Variants in SLC14A2 observed in about 807,000 individuals in gnomAD.
SLC14A2 encodes the protein urea transporter 2.
Under a neutral mutation model 104.6 loss-of-function variants are expected in SLC14A2, and 91 were observed. The ratio of observed to expected loss-of-function variants is 0.87; its 90% CI spans 0.73 to 1.04. SLC14A2 has a LOEUF of 1.04. Ranked by LOEUF, SLC14A2 falls within the 50% of genes least tolerant of loss-of-function variation. The pLI, the probability that SLC14A2 is intolerant of heterozygous loss-of-function variation, is 0.00. For synonymous variants in SLC14A2, 476 were observed against 466.4 expected (o/e 1.02, Z -0.27); for missense variants, 1,189 against 1,156.0 (o/e 1.03, Z -0.41).
intron 1 of SLC14A2, among the ~76,000 whole-genome samples, chr18:45,380,914 T>C (rs2085827930): frequency 6.6e-6 from 1 of 152,234 alleles, no homozygotes; most frequent in Non-Finnish European, 1.5e-5. Flanking sequence ...TTATCGGGGA[T>C]CAAAGTGGCA....
At chr18:45,469,029 G>A (rs2087195909) in intron 1 of SLC14A2, among the ~76,000 whole-genome samples, 1 of 152,178 alleles carries the variant, frequency 6.6e-6, no homozygotes, top group South Asian at 2.1e-4. Flanking sequence ...GAGATTTGTG[G>A]CCTGATGGGC....
In SLC14A2 at chr18:45,669,402, A is replaced by G. The variant is rs1001427241; in HGVS notation, c.2133A>G (p.Ala711=). The G allele has an allele frequency of 6.2e-7, 1 of 1,613,820 alleles. No homozygotes were observed. The highest frequency in any genetic ancestry group is 1.7e-5 in the Admixed American group (1 of 60,024). Residue 711 remains alanine (A), a synonymous_variant, in exon 16 of 20, where the codon GCA becomes GCG. Transcript: ENST00000255226. Reference sequence around the variant, plus strand: ...ATATCACTGTGACTTTGTACCTGGCAGCCACGGGCCACTACAACCTTTTCT... The same window carrying G: ...ATATCACTGTGACTTTGTACCTGGCGGCCACGGGCCACTACAACCTTTTCT... ...PFNITVTLYL[A]ATGHYNLFFP...
chr18:45,648,366 C>T (rs946767288), intron 10 of SLC14A2, among the ~76,000 whole-genome samples: 1 of 151,986 alleles, frequency 6.6e-6, no homozygotes, highest in Admixed American at 6.6e-5. Context: ...CCACCACGAC[C>T]AGCTAATTTT....
intron 2 of SLC14A2, among the ~76,000 whole-genome samples, chr18:45,606,872 G>T (rs8097358): frequency 0.019 from 2,898 of 151,978 alleles, 99 homozygotes; most frequent in African/African-American, 0.067. Flanking sequence ...CCAGGCTCAG[G>T]TTCCGCCACA....
the SLC14A2 span, among the ~76,000 whole-genome samples, chr18:45,181,810 T>A: frequency 1.3e-5 from 2 of 151,476 alleles, no homozygotes. Context: ...TTTACTTTAA[T>A]ATATCTGTGC....
intron 3 of SLC14A2, among the ~76,000 whole-genome samples, chr18:45,626,323 G>T (rs1023523623): frequency 6.6e-6 from 1 of 151,812 alleles, no homozygotes; most frequent in South Asian, 2.1e-4. Context: ...TTAACTTCTC[G>T]AACTAAACAC....
intron 1 of SLC14A2, among the ~76,000 whole-genome samples, chr18:45,398,455 A>G (rs992342319): frequency 1.3e-5 from 2 of 152,196 alleles, no homozygotes; most frequent in African/African-American, 4.8e-5. Context: ...AGTAAAATCA[A>G]AAGAATTAAA....
chr18:45,554,124 A>G (rs1311630239), intron 2 of SLC14A2, among the ~76,000 whole-genome samples: 1 of 152,262 alleles, frequency 6.6e-6, no homozygotes, highest in African/African-American at 2.4e-5. Flanking sequence ...AGCTTGCGGT[A>G]TGGTAGAAGA....
At position 45,668,301 on chromosome 18, in the gene SLC14A2, G is replaced by C. The variant is rs961679072; in HGVS notation, c.1908-48G>C. The stretch of plus-strand genomic sequence containing the variant: ...ATCTGACTCAATAGGAAAATGTAAA[G>C]GGCCCTGGGGAAGCCCCTGCTCCAC... On this transcript the variant is annotated intron_variant, in intron 14 of 19. Transcript: ENST00000255226. 3.7e-6 allele frequency: 6 copies of C among 1,603,550 alleles called. No homozygotes were observed. The Admixed American group carries it at 5.1e-5, about 14-fold the overall frequency.
At chr18:45,574,469 C>T (rs1387034148) in intron 2 of SLC14A2, among the ~76,000 whole-genome samples, 1 of 152,076 alleles carries the variant, frequency 6.6e-6, no homozygotes, top group Admixed American at 6.5e-5. Flanking sequence ...AAAGCAGTAC[C>T]ACCCTACAAA....
the SLC14A2 span, among the ~76,000 whole-genome samples, chr18:45,199,457 T>C: frequency 1.3e-5 from 2 of 152,202 alleles, no homozygotes; most frequent in African/African-American, 4.8e-5. Context: ...GAAAATTTGT[T>C]CAGTTCTTTT....
chr18:45,263,769 G>A (rs1048284313), intron 1 of SLC14A2, among the ~76,000 whole-genome samples: 2 of 152,128 alleles, frequency 1.3e-5, no homozygotes, highest in African/African-American at 2.4e-5. Context: ...CTGCCCTTTT[G>A]ATCTGCCCAC....
the SLC14A2 span, among the ~76,000 whole-genome samples, chr18:45,196,502 C>G: frequency 2.7e-4 from 41 of 152,216 alleles, no homozygotes; most frequent in Non-Finnish European, 3.5e-4. Flanking sequence ...ACAGCTGTTG[C>G]TGAGGTTCTT....
chr18:45,306,352 C>T (rs1298455872), intron 1 of SLC14A2, among the ~76,000 whole-genome samples: 2 of 152,140 alleles, frequency 1.3e-5, no homozygotes, highest in African/African-American at 2.4e-5. Context: ...GAGTAAAATG[C>T]TTTAGTGCAA....
At chr18:45,331,063 C>A (rs995590322) in intron 1 of SLC14A2, among the ~76,000 whole-genome samples, 6 of 152,166 alleles carry the variant, frequency 3.9e-5, no homozygotes, top group Non-Finnish European at 7.4e-5. Flanking sequence ...TTTTGTGCCC[C>A]AAATTCTGTA....
intron 1 of SLC14A2, among the ~76,000 whole-genome samples, chr18:45,413,973 T>A (rs559329891): frequency 2.0e-5 from 3 of 151,910 alleles, no homozygotes; most frequent in Non-Finnish European, 2.9e-5. Context: ...GAAAATCACG[T>A]GGAGGTCTAT....
Position 45,277,954 on chromosome 18 carries a change from T to A in SLC14A2, c.-125+64763T>A, listed in dbSNP as rs369897630. On this transcript the variant is annotated intron_variant, in intron 1 of 20. Coordinates refer to the SLC14A2 transcript ENST00000586448. Reference sequence around the variant, plus strand: ...CCCAGTAAGTACACGCTGCTTTTACTCCACCTCCCCCTCCATGCCAGACTG... The same window carrying A: ...CCCAGTAAGTACACGCTGCTTTTACACCACCTCCCCCTCCATGCCAGACTG... Among the ~76,000 whole-genome samples the A allele has an allele frequency of 3.9e-5, 6 of 152,194 alleles. No individual in the cohort carries two copies. The East Asian group carries it at 9.6e-4, about 24-fold the overall frequency.
At chr18:45,439,295 G>A (rs781383737) in intron 1 of SLC14A2, among the ~76,000 whole-genome samples, 2 of 152,008 alleles carry the variant, frequency 1.3e-5, no homozygotes, top group African/African-American at 2.4e-5. Flanking sequence ...AAAATGCCAG[G>A]CAAAGTTGCC....
chr18:45,431,109 G>A (rs2086508025), intron 1 of SLC14A2, among the ~76,000 whole-genome samples: 1 of 152,130 alleles, frequency 6.6e-6, no homozygotes, highest in East Asian at 1.9e-4. Flanking sequence ...GTCTCATTTG[G>A]AGGGGTAATT....
Sources: gnomAD v4.1 joint callset for allele counts (sites outside exome capture counted in the v4.1 genomes callset) on GRCh38, gnomAD v4.1.1 for gene constraint, MANE v1.5 for transcripts, NCBI Gene and HGNC (gene_info 2026-07-23, HGNC 2026-07-21) for gene names.